The following CEP128 variants were observed in gnomAD, a reference collection of about 807,000 sequenced individuals.
CEP128 encodes the protein centrosomal protein 128, also known as centrosomal protein 128kDa.
Under a neutral mutation model 156.7 loss-of-function variants are expected in CEP128, and 132 were observed. The ratio of observed to expected loss-of-function variants is 0.84; its 90% CI spans 0.73 to 0.97. The LOEUF (loss-of-function observed/expected upper bound fraction) is 0.97, where lower values mean the gene tolerates loss of function less well. Ranked by LOEUF, CEP128 falls within the 50% of genes least tolerant of loss-of-function variation. CEP128 has a pLI of 0.00. For synonymous variants in CEP128, 469 were observed against 448.9 expected, an observed-to-expected ratio of 1.04 and a Z score of -0.57; for missense variants, 1,252 against 1,281.9, an observed-to-expected ratio of 0.98 and a Z score of 0.36.
chr14:80,819,277 C>T, intron 13 of CEP128, among the ~76,000 whole-genome samples: 1 of 117,390 alleles, frequency 8.5e-6, no homozygotes, highest in Non-Finnish European at 1.6e-5. Flanking sequence ...GATGGAGTCT[C>T]ACTCTGTCAC....
chr14:80,614,864 T>C (rs902105932), intron 19 of CEP128, among the ~76,000 whole-genome samples: 9 of 152,242 alleles, frequency 5.9e-5, no homozygotes, highest in African/African-American at 1.4e-4. Flanking sequence ...TACTAGACTA[T>C]AACTCCAGGT....
chr14:80,952,722 CTTT>C (rs1212033677), intron 2 of CEP128, among the ~76,000 whole-genome samples: 1 of 151,804 alleles, frequency 6.6e-6, no homozygotes, highest in Non-Finnish European at 1.5e-5. Context: ...AAATTTGCTT[CTTT>C]GAGAATATGA....
chr14:80,877,784 C>G (rs538370912), intron 8 of CEP128, among the ~76,000 whole-genome samples: 55 of 152,236 alleles, frequency 3.6e-4, no homozygotes, highest in African/African-American at 1.3e-3. Flanking sequence ...CCCTTAAGAC[C>G]AAGCTGAAGG....
intron 13 of CEP128, among the ~76,000 whole-genome samples, chr14:80,819,384 C>T (rs1466718069): frequency 1.3e-5 from 2 of 151,678 alleles, no homozygotes; most frequent in East Asian, 1.9e-4. Flanking sequence ...GTAGCTGGGA[C>T]TACAGGTGCT....
At chr14:80,539,967 T>C (rs879044028) in intron 21 of CEP128, among the ~76,000 whole-genome samples, 6 of 152,046 alleles carry the variant, frequency 3.9e-5, no homozygotes, top group Admixed American at 1.3e-4. Flanking sequence ...CCTGGTACAT[T>C]TGTGGTCAGA....
At chr14:80,531,064 A>G (rs1437922438) in intron 21 of CEP128, 178 bp from the exon 22 acceptor site, 7 of 346,998 alleles carry the variant, frequency 2.0e-5, no homozygotes, top group Non-Finnish European at 3.7e-5. Flanking sequence ...TTGAAAATAG[A>G]AGAATTATTT....
chr14:80,550,812 TA>T lies in CEP128; in HGVS notation c.2880+8466del, dbSNP rs35063739. 6.1e-3 allele frequency among the ~76,000 whole-genome samples: 837 copies of T among 137,124 alleles called. 6 individuals carry two copies. The highest frequency in any genetic ancestry group is 0.016 in the Middle Eastern group (3 of 192). 90.0% of individuals were successfully genotyped at this position (137,124 alleles called of 152,430 possible). A position where few individuals can be genotyped will look rare whatever the true frequency, so the allele number is the denominator to read the frequency against. On this transcript the variant is annotated intron_variant, in intron 21 of 24. Coordinates refer to ENST00000555265, the MANE Select transcript of CEP128 (RefSeq NM_152446.5). ...GAGAAAGATTATTAAATGTGAAATG[TA>T]AAAAAAAAAAAAAAAAATCCAAAGC...
chr14:80,566,495 G>A (rs1436804508), intron 20 of CEP128, among the ~76,000 whole-genome samples: 1 of 151,964 alleles, frequency 6.6e-6, no homozygotes, highest in Non-Finnish European at 1.5e-5. Context: ...TTCTTACAGT[G>A]ATTTAAAAAA....
chr14:80,857,839 T>C (rs1386194596), intron 9 of CEP128, among the ~76,000 whole-genome samples: 1 of 151,550 alleles, frequency 6.6e-6, no homozygotes, highest in Non-Finnish European at 1.5e-5. Flanking sequence ...ATTAAAAGAA[T>C]ATAGTCATAC....
intron 2 of CEP128, among the ~76,000 whole-genome samples, chr14:80,934,745 T>C (rs1228957402): frequency 6.6e-6 from 1 of 152,160 alleles, no homozygotes; most frequent in Non-Finnish European, 1.5e-5. Context: ...CAAACCATAA[T>C]CTTAAAGCAA....
chr14:80,871,940 A>T (rs544019092), intron 8 of CEP128, among the ~76,000 whole-genome samples: 2 of 152,268 alleles, frequency 1.3e-5, no homozygotes, highest in East Asian at 1.9e-4. Context: ...CAGATCTTTA[A>T]CAATACCTGG....
At chr14:80,895,249 T>C (rs1889290639) in intron 8 of CEP128, among the ~76,000 whole-genome samples, 1 of 152,016 alleles carries the variant, frequency 6.6e-6, no homozygotes, top group Non-Finnish European at 1.5e-5. Flanking sequence ...TGGAACCATA[T>C]CAGACAAAAA....
At chr14:80,844,192 C>CAAAAA (rs548182892) in intron 9 of CEP128, among the ~76,000 whole-genome samples, 1 of 145,486 alleles carries the variant, frequency 6.9e-6, no homozygotes, top group East Asian at 2.0e-4. Context: ...CTTTTCAAGG[C>CAAAAA]AAAAAAAAAC....
chr14:80,709,264 G>A (rs972859314), intron 19 of CEP128, among the ~76,000 whole-genome samples: 6 of 151,496 alleles, frequency 4.0e-5, no homozygotes, highest in African/African-American at 1.5e-4. Flanking sequence ...TCAGCCTCCC[G>A]AGTAGCTGGG....
chr14:80,902,895 T>C (rs1454101953), intron 6 of CEP128, among the ~76,000 whole-genome samples: 1 of 152,158 alleles, frequency 6.6e-6, no homozygotes, highest in East Asian at 1.9e-4. Flanking sequence ...ACACGTCCAA[T>C]TAAACTCACT....
At chr14:80,802,780 T>A (rs910209856) in intron 13 of CEP128, among the ~76,000 whole-genome samples, 8 of 152,316 alleles carry the variant, frequency 5.3e-5, no homozygotes, top group Non-Finnish European at 1.0e-4. Context: ...TGATTAGGTA[T>A]GTGCTTGAGA....
intron 8 of CEP128, among the ~76,000 whole-genome samples, chr14:80,894,223 A>G (rs1889238000): frequency 6.6e-6 from 1 of 151,998 alleles, no homozygotes. Context: ...AGAAAAAAAG[A>G]AGACAGAACT....
intron 16 of CEP128, among the ~76,000 whole-genome samples, chr14:80,765,700 A>G (rs144513745): frequency 6.6e-6 from 1 of 152,312 alleles, no homozygotes; most frequent in African/African-American, 2.4e-5. Flanking sequence ...ATGAGATCCA[A>G]GAAGAAAGAT....
At chr14:80,839,070 G>T (rs373428347) in intron 10 of CEP128, among the ~76,000 whole-genome samples, 4 of 152,156 alleles carry the variant, frequency 2.6e-5, no homozygotes. Flanking sequence ...CTGCACTCCA[G>T]CCTGGGCAAC....
Sources: allele counts gnomAD v4.1 joint callset (sites outside exome capture counted in the v4.1 genomes callset), GRCh38; gene constraint gnomAD v4.1.1; transcripts MANE v1.5; gene names NCBI Gene and HGNC (gene_info 2026-07-23, HGNC 2026-07-21).